Variants in PROM2 observed in about 807,000 individuals in gnomAD.
The protein encoded by PROM2 is prominin-2.
A neutral mutation model predicts 110.2 loss-of-function variants in PROM2; 90 were observed. The ratio of observed to expected loss-of-function variants is 0.82; its 90% CI spans 0.69 to 0.97. PROM2 has a LOEUF of 0.97. Ranked by LOEUF, PROM2 falls within the 50% of genes least tolerant of loss-of-function variation. The pLI, the probability that PROM2 is intolerant of heterozygous loss-of-function variation, is 0.00. For synonymous variants in PROM2, 470 were observed against 467.8 expected, an observed-to-expected ratio of 1.00 and a Z score of -0.06; for missense variants, 1,009 against 1,074.8, an observed-to-expected ratio of 0.94 and a Z score of 0.86.
Position 95,276,381 on chromosome 2 carries a change from CT to C in PROM2, c.618+35del, listed in dbSNP as rs1477356576. On this transcript the variant is annotated intron_variant, in intron 4 of 23. Transcript: ENST00000317620. This position sits in a 1 kb window ranked among gnomAD's most constrained non-coding sequence, Gnocchi z 4.6. The stretch of plus-strand genomic sequence containing the variant: ...TGTTACCCCTCACCCTCATGTGCCC[CT>C]GTGAGCACTGGGCCCGGGCAGGACA... The C allele has an allele frequency of 1.2e-6, 2 of 1,609,204 alleles. No homozygotes were observed. The highest frequency in any genetic ancestry group is 1.7e-6 in the Non-Finnish European group (2 of 1,177,630).
intron 10 of PROM2, among the ~76,000 whole-genome samples, chr2:95,279,627 C>T (rs974955039): frequency 6.6e-6 from 1 of 152,168 alleles, no homozygotes; most frequent in Non-Finnish European, 1.5e-5. Context: ...AGACCCCTGA[C>T]TCCAGAGGCC....
chr2:95,285,093 A>G lies in PROM2; in HGVS notation c.1853A>G (p.His618Arg), dbSNP rs779810242. The G allele has an allele frequency of 3.2e-6, 5 of 1,582,848 alleles. No homozygotes were observed. Among genetic ancestry groups the G allele is most frequent in the Admixed American group, 1.8e-5 (1 of 56,170 alleles). ...CAGAGCAGTGGGCTTCAGCGCATCC[A>G]CTACCCCGACTTCCTCGTTCAGGTC... Reference protein sequence around the residue: ...ALQSSGLQRIHYPDFLVQIQR... With the variant: ...ALQSSGLQRIRYPDFLVQIQR... Residue 618 changes from histidine to arginine, a missense_variant, in exon 15 of 24, where the codon CAC (histidine) becomes CGC (arginine). Coordinates refer to ENST00000317620, the MANE Select transcript of PROM2 (RefSeq NM_001165978.3).
chr2:95,289,006 G>C lies in PROM2; in HGVS notation c.*10G>C. ...CTCCCTGAAGCTGTAGGGCCTTGTG[G>C]GTGAGTTTTCCCCAACTCGCTTAAT... On this transcript the variant is annotated splice_region_variant and 3_prime_UTR_variant, in exon 23 of 24. Transcript: ENST00000317620. The C allele has an allele frequency of 3.1e-6, 5 of 1,613,314 alleles. No individual in the cohort carries two copies. Among genetic ancestry groups the C allele is most frequent in the Non-Finnish European group, 4.2e-6 (5 of 1,179,258 alleles).
In PROM2 at chr2:95,275,972, G is replaced by A. The variant is rs779822834; in HGVS notation, c.337G>A (p.Ala113Thr). The part of the protein sequence containing the change: ...EAGYVVCAVI[A>T]GLYLLLVPTA... The stretch of plus-strand genomic sequence containing the variant: ...GGGCTACGTGGTATGCGCTGTGATC[G>A]CGGGCCTCTACCTGCTGCTGGTGCC... The change falls in exon 3 of 24, where the codon GCG becomes ACG. Residue 113 changes from alanine (A) to threonine (T), a missense_variant. Transcript: ENST00000317620. The surrounding 1 kb of genome is among the most constrained non-coding windows in gnomAD (Gnocchi z 4.4). 9.9e-6 allele frequency: 16 copies of A among 1,612,108 alleles called. No individual in the cohort carries two copies. In the East Asian group the frequency reaches 1.1e-4, roughly 11 times the overall value.
chr2:95,277,079 C>T lies in PROM2; in HGVS notation c.772+18C>T. On this transcript the variant is annotated intron_variant, in intron 6 of 23. Transcript: ENST00000317620. ...GGGCCAGGGTGAGCTGGAGCCGCAT[C>T]CTGGATAGTGTGGAGCCCAGCGGGT... is the stretch of plus-strand genomic sequence containing the variant. 6.5e-7 allele frequency: 1 copy of T among 1,547,146 alleles called. No homozygotes were observed. The highest frequency in any genetic ancestry group is 2.4e-5 in the East Asian group (1 of 40,892).
intron 16 of PROM2, among the ~76,000 whole-genome samples, chr2:95,286,209 C>A (rs1056343179): frequency 6.6e-6 from 1 of 152,322 alleles, no homozygotes; most frequent in African/African-American, 2.4e-5. Context: ...ACAGGGTGGG[C>A]AGAGCCAGAA....
intron 6 of PROM2, 101 bp from the exon 7 acceptor site, chr2:95,277,263 T>C: frequency 7.5e-7 from 1 of 1,336,978 alleles, no homozygotes; most frequent in Non-Finnish European, 1.0e-6. Context: ...AGGTCAATGA[T>C]TTGCAGGTCC....
Position 95,275,488 on chromosome 2 carries a change from T to G in PROM2, c.272T>G (p.Leu91Arg), listed in dbSNP as rs1004022240. The change falls in exon 2 of 24, where the codon CTG (leucine) becomes CGG (arginine). Residue 91 changes from leucine (L) to arginine (R), a missense_variant. Transcript: ENST00000317620. The surrounding 1 kb of genome is among the most constrained non-coding windows in gnomAD (Gnocchi z 4.4). ...TTGGTAAAGGCCCTACTGAATGAGC[T>G]GGCCTCCGTGAAGGTGAATGAGGTG... is the stretch of plus-strand genomic sequence containing the variant. ...SELVKALLNE[L>R]ASVKVNEVVR... 1 of 1,613,698 alleles carries G rather than the reference T, an allele frequency of 6.2e-7. No individual in the cohort carries two copies. Among genetic ancestry groups the G allele is most frequent in the African/African-American group, 1.3e-5 (1 of 74,918 alleles).
At chr2:95,283,771 TTTCATTCATTCA>T (rs3076102) in intron 14 of PROM2, among the ~76,000 whole-genome samples, 9 of 149,674 alleles carry the variant, frequency 6.0e-5, no homozygotes, top group South Asian at 2.1e-4. Flanking sequence ...GAAAATACAG[TTTCATTCATTCA>T]TTCATTCATT....
rs776571783 is a variant in PROM2, at chr2:95,288,533, C to T, written c.2385C>T (p.Ser795=). Residue 795 remains serine (S), a synonymous_variant, in exon 22 of 24, where the codon AGC becomes AGT. Transcript: ENST00000317620. ...LAWCTFFLIP[S]IIFAVKTSKY... Reference sequence around the variant, plus strand: ...GGTGCACCTTCTTCCTGATCCCCAGCATCATCTTTGCCGTCAAGACCTCCA... The same window carrying T: ...GGTGCACCTTCTTCCTGATCCCCAGTATCATCTTTGCCGTCAAGACCTCCA... The T allele has an allele frequency of 9.9e-6, 16 of 1,614,228 alleles. No homozygotes were observed. The South Asian group carries it at 1.8e-4, about 18-fold the overall frequency.
At chr2:95,288,887 G>A (rs1261975219) in intron 22 of PROM2, 46 bp from the exon 23 acceptor site, 3 of 1,578,084 alleles carry the variant, frequency 1.9e-6, no homozygotes, top group Non-Finnish European at 2.6e-6. Context: ...CAGGGCTGAG[G>A]GTCTGGGGGG....
Position 95,279,127 on chromosome 2 carries a change from G to T in PROM2, c.1257G>T (p.Gln419His). 1 of 1,306,420 alleles carries T rather than the reference G, an allele frequency of 7.7e-7. No individual in the cohort carries two copies. Among genetic ancestry groups the T allele is most frequent in the South Asian group, 1.2e-5 (1 of 81,580 alleles). The allele number at this position is 1,306,420 out of a possible 1,614,324, so 80.9% of individuals were successfully genotyped here. The change falls in exon 10 of 24, where the codon CAG becomes CAT. Residue 419 changes from glutamine (Q) to histidine (H), a missense_variant. Physicochemically the swap from Gln to His is conservative, Grantham distance 24. Transcript: ENST00000317620. Reference protein sequence around the residue: ...ESSRPYLQEVQRYETYRWIVG... With the variant: ...ESSRPYLQEVHRYETYRWIVG... The stretch of plus-strand genomic sequence containing the variant: ...GCCGCCCCTACCTGCAGGAGGTGCA[G>T]AGATACGAGACCTACAGGTGCTGGG...
intron 18 of PROM2, 63 bp from the exon 19 acceptor site, chr2:95,287,070 T>A (rs1677405098): frequency 6.9e-7 from 1 of 1,453,138 alleles, no homozygotes; most frequent in Non-Finnish European, 9.6e-7. Flanking sequence ...CTGTGGTGTG[T>A]GTTGAATTAA....
At chr2:95,283,324 T>C (rs2104123709) in intron 14 of PROM2, among the ~76,000 whole-genome samples, 1 of 152,330 alleles carries the variant, frequency 6.6e-6, no homozygotes, top group South Asian at 2.1e-4. Context: ...TCTGGATAGA[T>C]AGGGCTTTGG....
At chr2:95,277,863 C>A in intron 7 of PROM2, 67 bp from the exon 8 acceptor site, 1 of 1,379,922 alleles carries the variant, frequency 7.2e-7, no homozygotes, top group Non-Finnish European at 1.0e-6. Flanking sequence ...CCCCCCTCAT[C>A]CACCCTCAGG....
chr2:95,281,145 G>A, intron 11 of PROM2, 97 bp from the exon 12 acceptor site: 4 of 1,512,396 alleles, frequency 2.6e-6, no homozygotes, highest in Non-Finnish European at 3.6e-6. Context: ...GGGCCAACTG[G>A]CTGAGCAGGC....
At chr2:95,279,489 G>T (rs886461537) in intron 10 of PROM2, among the ~76,000 whole-genome samples, 2 of 152,018 alleles carry the variant, frequency 1.3e-5, no homozygotes, top group African/African-American at 4.8e-5. Context: ...TAGAGACAGG[G>T]TTTCACCATG....
In PROM2 at chr2:95,281,908, C is replaced by G; in HGVS notation, c.1552-17C>G. 6.2e-7 allele frequency: 1 copy of G among 1,606,786 alleles called. No homozygotes were observed. Among genetic ancestry groups the G allele is most frequent in the African/African-American group, 1.3e-5 (1 of 74,910 alleles). On this transcript the variant is annotated splice_polypyrimidine_tract_variant and intron_variant, in intron 12 of 23. Coordinates refer to ENST00000317620, the MANE Select transcript of PROM2 (RefSeq NM_001165978.3). ...CCCACCCCGCTCTGTGCCCATTTCTCACTGCCCCATCCCCAGTTTGCAGAC... is the reference window on the plus strand; with the variant it reads ...CCCACCCCGCTCTGTGCCCATTTCTGACTGCCCCATCCCCAGTTTGCAGAC...
At position 95,275,890 on chromosome 2, in the gene PROM2, T is replaced by C. The variant is rs1247838499; in HGVS notation, c.295-40T>C. 3 of 1,578,898 alleles carry C rather than the reference T, an allele frequency of 1.9e-6. No homozygotes were observed. Among genetic ancestry groups the C allele is most frequent in the Admixed American group, 1.9e-5 (1 of 53,900 alleles). On this transcript the variant is annotated intron_variant, in intron 2 of 23. Transcript: ENST00000317620. This position sits in a 1 kb window ranked among gnomAD's most constrained non-coding sequence, Gnocchi z 4.4. ...TCAGGCAGAAGCCAGGGCTGGGCAGTGGGGGTCGGGTCACCCCTCATGCCC... is the reference window on the plus strand; with the variant it reads ...TCAGGCAGAAGCCAGGGCTGGGCAGCGGGGGTCGGGTCACCCCTCATGCCC...
Sources: gnomAD v4.1 joint callset for allele counts (sites outside exome capture counted in the v4.1 genomes callset) on GRCh38, gnomAD v4.1.1 for gene constraint, Gnocchi (gnomAD v3.1) non-coding constraint, MANE v1.5 for transcripts, NCBI Gene and HGNC (gene_info 2026-07-23, HGNC 2026-07-21) for gene names.